The following IGFL2 variants were observed in gnomAD, a reference collection of about 807,000 sequenced individuals.
IGFL2 encodes the protein insulin growth factor-like family member 2.
A neutral mutation model predicts 13.9 loss-of-function variants in IGFL2; 7 were observed. The observed-to-expected ratio is 0.51, with a 90% CI of 0.29 to 0.95. IGFL2 has a LOEUF of 0.95. IGFL2 is among the 40% of genes least tolerant of loss of function. The pLI is 0.08. For synonymous variants in IGFL2, 55 were observed against 55.8 expected (o/e 0.99, Z 0.07); for missense variants, 138 against 147.8 (o/e 0.93, Z 0.34).
the IGFL2 span, among the ~76,000 whole-genome samples, chr19:46,125,056 C>T: frequency 6.6e-6 from 1 of 152,198 alleles, no homozygotes; most frequent in Non-Finnish European, 1.5e-5. Flanking sequence ...ACTTCCCCAT[C>T]TGGTTTCACA....
chr19:46,101,555 A>G, the IGFL2 span, among the ~76,000 whole-genome samples: 5 of 152,246 alleles, frequency 3.3e-5, no homozygotes, highest in Non-Finnish European at 7.3e-5. Context: ...GGTCCAAGAC[A>G]TCCAATCTCC....
At chr19:46,201,072 A>C in the IGFL2 span, among the ~76,000 whole-genome samples, 1 of 152,208 alleles carries the variant, frequency 6.6e-6, no homozygotes, top group Admixed American at 6.5e-5. Flanking sequence ...CTGAACTGCA[A>C]ATGGAGAAGC....
chr19:46,181,752 TTCTC>T, the IGFL2 span, among the ~76,000 whole-genome samples: 2 of 152,214 alleles, frequency 1.3e-5, no homozygotes, highest in Non-Finnish European at 2.9e-5. Flanking sequence ...TTTGAGGAGT[TTCTC>T]TCTGTTTTCC....
chr19:46,123,732 T>G, the IGFL2 span, among the ~76,000 whole-genome samples: 21 of 151,034 alleles, frequency 1.4e-4, 1 homozygote, highest in Non-Finnish European at 2.8e-4. Flanking sequence ...GGCAGACTTA[T>G]AGCTTATCTG....
the IGFL2 span, among the ~76,000 whole-genome samples, chr19:46,099,672 C>T: frequency 1.8e-4 from 28 of 151,924 alleles, 1 homozygote; most frequent in Admixed American, 3.9e-4. Flanking sequence ...GTATTACAGG[C>T]GCCTGCCACT....
chr19:46,192,918 G>A, the IGFL2 span, among the ~76,000 whole-genome samples: 1 of 152,010 alleles, frequency 6.6e-6, no homozygotes, highest in African/African-American at 2.4e-5. Context: ...GGCCAGGCAT[G>A]GTGGCTCATG....
At chr19:46,126,638 G>A in the IGFL2 span, among the ~76,000 whole-genome samples, 3 of 152,314 alleles carry the variant, frequency 2.0e-5, no homozygotes, top group African/African-American at 7.2e-5. Context: ...CAATGAGCAT[G>A]TGCTTCATTA....
intron 1 of IGFL2, among the ~76,000 whole-genome samples, chr19:46,158,434 CTCCTGACCTCG>C (rs1973942385): frequency 6.6e-6 from 1 of 151,930 alleles, no homozygotes; most frequent in Non-Finnish European, 1.5e-5. Context: ...CGGTCTTGAT[CTCCTGACCTCG>C]TGATCCACCC....
chr19:46,205,455 TG>T, the IGFL2 span, among the ~76,000 whole-genome samples: 5 of 152,216 alleles, frequency 3.3e-5, no homozygotes, highest in East Asian at 5.8e-4. Flanking sequence ...AAGATTAGGG[TG>T]GGGTGGTCAG....
At chr19:46,078,684 AGTCC>A in the IGFL2 span, among the ~76,000 whole-genome samples, 1 of 152,220 alleles carries the variant, frequency 6.6e-6, no homozygotes, top group Non-Finnish European at 1.5e-5. Context: ...AATTCACCAC[AGTCC>A]GTCAAAAGGC....
the IGFL2 span, among the ~76,000 whole-genome samples, chr19:46,081,722 G>T: frequency 7.2e-5 from 11 of 152,302 alleles, no homozygotes; most frequent in Non-Finnish European, 1.6e-4. Context: ...AGAGACTCCA[G>T]GCTCACCAGC....
chr19:46,092,047 T>TA, the IGFL2 span, among the ~76,000 whole-genome samples: 1 of 152,252 alleles, frequency 6.6e-6, no homozygotes, highest in African/African-American at 2.4e-5. Flanking sequence ...AAACATTTTT[T>TA]ACGTTCAAAC....
At chr19:46,090,282 T>C in the IGFL2 span, among the ~76,000 whole-genome samples, 1 of 152,230 alleles carries the variant, frequency 6.6e-6, no homozygotes, top group African/African-American at 2.4e-5. Context: ...TGTTTCTCTG[T>C]ATTTTCTTTA....
chr19:46,094,034 A>ATT, the IGFL2 span, among the ~76,000 whole-genome samples: 8,627 of 114,022 alleles, frequency 0.076, 448 homozygotes, highest in East Asian at 0.11. Flanking sequence ...GCCTTGGAGG[A>ATT]TTTTTTTTTT....
At chr19:46,102,203 G>T in the IGFL2 span, among the ~76,000 whole-genome samples, 4 of 148,214 alleles carry the variant, frequency 2.7e-5, no homozygotes, top group African/African-American at 9.7e-5. Context: ...CTAATTTCAT[G>T]CGCGCGTCTG....
the IGFL2 span, among the ~76,000 whole-genome samples, chr19:46,128,970 G>A: frequency 1.3e-5 from 2 of 152,082 alleles, no homozygotes; most frequent in Non-Finnish European, 2.9e-5. Flanking sequence ...AATCCATCTG[G>A]TCTTGGAAAT....
Position 46,148,266 on chromosome 19 carries a change from G to T in IGFL2, c.-13G>T. On this transcript the variant is annotated 5_prime_UTR_variant, in exon 1 of 4. Coordinates refer to ENST00000377693, the MANE Select transcript of IGFL2 (RefSeq NM_001135113.2). ...TTGCACTGCTGCTGTCCCATCAGCT[G>T]CTCTGAAGCTCCATGGTGCCCAGAA... 1.3e-6 allele frequency: 2 copies of T among 1,551,440 alleles called. No homozygotes were observed. Among genetic ancestry groups the T allele is most frequent in the Admixed American group, 2.0e-5 (1 of 51,008 alleles).
chr19:46,120,497 C>A, the IGFL2 span: 1 of 1,244,584 alleles, frequency 8.0e-7, no homozygotes, highest in Non-Finnish European at 1.1e-6. Flanking sequence ...AACAGAAGGA[C>A]ACAGTCACCA....
the IGFL2 span, among the ~76,000 whole-genome samples, chr19:46,167,365 A>G: frequency 6.6e-6 from 1 of 152,198 alleles, no homozygotes; most frequent in Non-Finnish European, 1.5e-5. Flanking sequence ...GATACTGGGC[A>G]GATCAGCCAG....
Sources: allele counts gnomAD v4.1 joint callset (sites outside exome capture counted in the v4.1 genomes callset), GRCh38; gene constraint gnomAD v4.1.1; transcripts MANE v1.5; gene names NCBI Gene and HGNC (gene_info 2026-07-23, HGNC 2026-07-21).